The following ATF7 variants were observed in gnomAD, a reference collection of about 807,000 sequenced individuals.
ATF7 encodes activating transcription factor 7, also known as cyclic AMP-dependent transcription factor ATF-7.
Under a neutral mutation model 50.4 loss-of-function variants are expected in ATF7, and 10 were observed. The observed-to-expected ratio is 0.20, with a 90% CI of 0.12 to 0.34. The LOEUF is 0.34. ATF7 is among the 10% of genes least tolerant of loss of function. The probability of loss-of-function intolerance (pLI) is 1.00; values close to 1 mark genes in which losing one functional copy is unlikely to be tolerated. For synonymous variants in ATF7, 201 were observed against 226.4 expected (o/e 0.89, Z 1.01); for missense variants, 465 against 613.9 (o/e 0.76, Z 2.56).
At chr12:53,531,422 C>CA (rs541415026) in intron 9 of ATF7, among the ~76,000 whole-genome samples, 1,389 of 61,504 alleles carry the variant, frequency 0.023, 24 homozygotes, top group African/African-American at 0.064. Context: ...AACTCCATCT[C>CA]AAAAAAAAAA....
At chr12:53,517,859 TTTTA>T (rs1385512201) in intron 11 of ATF7, among the ~76,000 whole-genome samples, 2 of 152,198 alleles carry the variant, frequency 1.3e-5, no homozygotes, top group African/African-American at 2.4e-5. Context: ...TATTCCATTA[TTTTA>T]TTTATTTATT....
chr12:53,572,062 A>G (rs1444072972), intron 2 of ATF7, among the ~76,000 whole-genome samples: 1 of 151,800 alleles, frequency 6.6e-6, no homozygotes, highest in Admixed American at 6.6e-5. Flanking sequence ...GCCAGACTCC[A>G]TCTCAAAAAA....
Position 53,593,597 on chromosome 12 carries a change from G to T in ATF7, c.48+7356C>A, listed in dbSNP as rs1459944203. Among the ~76,000 whole-genome samples the T allele has an allele frequency of 1.3e-5, 2 of 152,186 alleles. 1 individual carries two copies. Among genetic ancestry groups the T allele is most frequent in the Non-Finnish European group, 2.9e-5 (2 of 68,022 alleles). On this transcript the variant is annotated intron_variant, in intron 2 of 11. Transcript: ENST00000420353. ...TCCTTTCTAAATGGCCAGGAGGGAA[G>T]AGCTCCACAGCCACTGTATGTGGTT...
intron 2 of ATF7, among the ~76,000 whole-genome samples, chr12:53,584,455 G>A (rs1425443120): frequency 6.6e-6 from 1 of 152,140 alleles, no homozygotes; most frequent in Non-Finnish European, 1.5e-5. Flanking sequence ...AAGACAGTTT[G>A]ACAGTTTCTT....
At chr12:53,560,034 T>C (rs1298678794) in intron 2 of ATF7, among the ~76,000 whole-genome samples, 1 of 152,220 alleles carries the variant, frequency 6.6e-6, no homozygotes, top group African/African-American at 2.4e-5. Context: ...GTGATTCTTC[T>C]GCCTCAGCCT....
At chr12:53,614,462 CT>C (rs1293645496) in intron 1 of ATF7, among the ~76,000 whole-genome samples, 1 of 152,144 alleles carries the variant, frequency 6.6e-6, no homozygotes, top group Non-Finnish European at 1.5e-5. Flanking sequence ...AAACACTGAT[CT>C]TTTAAAATTA....
At chr12:53,592,695 G>T (rs1005754711) in intron 2 of ATF7, among the ~76,000 whole-genome samples, 1 of 151,966 alleles carries the variant, frequency 6.6e-6, no homozygotes, top group Non-Finnish European at 1.5e-5. Context: ...CAAATTTGGG[G>T]GTGATGAGTT....
At chr12:53,619,071 GA>G (rs1217448694) in intron 1 of ATF7, among the ~76,000 whole-genome samples, 1 of 150,532 alleles carries the variant, frequency 6.6e-6, no homozygotes, top group Admixed American at 6.6e-5. Context: ...AAAAAAAGAA[GA>G]AAATGAAAAG....
Position 53,531,864 on chromosome 12 carries a change from G to A in ATF7, c.807C>T (p.Ser269=). 1.9e-6 allele frequency: 3 copies of A among 1,613,716 alleles called. No homozygotes were observed. The highest frequency in any genetic ancestry group is 2.5e-6 in the Non-Finnish European group (3 of 1,179,840). The change falls in exon 9 of 12, where the codon TCC becomes TCT. Residue 269 remains serine, a synonymous_variant. Coordinates refer to ENST00000420353, the MANE Select transcript of ATF7 (RefSeq NM_006856.3). ...CCATTCCACAACCACCATTGATTGA[G>A]GAGACTTGGTGAGTTAGGGTGGCTT... ...RLKATLTHQV[S]SINGGCGMVV... is the part of the protein sequence containing the mutation.
At position 53,523,292 on chromosome 12, in the gene ATF7, C is replaced by A; in HGVS notation, c.1218G>T (p.Lys406Asn). 6.2e-7 allele frequency: 1 copy of A among 1,613,092 alleles called. No homozygotes were observed. The highest frequency in any genetic ancestry group is 1.1e-5 in the South Asian group (1 of 91,054). Residue 406 changes from lysine to asparagine, a missense_variant, in exon 11 of 12, where the codon AAG (lysine) becomes AAT (asparagine). Lys to Asn is a moderately conservative substitution (Grantham distance 94). Transcript: ENST00000420353. ...GCCACTCACCTAAATAGCCTTGAGT[C>A]TTTTTCTGTAGTGCAGTGACTGGGC... ...KDCPVTALQK[K>N]TQGYLESPKE...
At chr12:53,582,826 C>T (rs1312016703) in intron 2 of ATF7, among the ~76,000 whole-genome samples, 19 of 152,080 alleles carry the variant, frequency 1.2e-4, no homozygotes, top group Admixed American at 9.2e-4. Flanking sequence ...CCTCGTGATC[C>T]GCCCACCTCG....
At chr12:53,591,980 T>C (rs998382948) in intron 2 of ATF7, among the ~76,000 whole-genome samples, 1 of 151,858 alleles carries the variant, frequency 6.6e-6, no homozygotes, top group Non-Finnish European at 1.5e-5. Context: ...CAAATTCCAC[T>C]GGGATTTAAA....
chr12:53,557,840 A>G (rs1940852498), intron 2 of ATF7, among the ~76,000 whole-genome samples: 1 of 152,216 alleles, frequency 6.6e-6, no homozygotes, highest in Non-Finnish European at 1.5e-5. Flanking sequence ...CACACACTGG[A>G]TTTCAAAGAC....
At chr12:53,568,917 C>A (rs944258907) in intron 2 of ATF7, among the ~76,000 whole-genome samples, 1 of 152,088 alleles carries the variant, frequency 6.6e-6, no homozygotes, top group African/African-American at 2.4e-5. Flanking sequence ...ATCCCAGCTA[C>A]TTGGGAGGCT....
At chr12:53,594,637 C>T (rs1404453737) in intron 2 of ATF7, among the ~76,000 whole-genome samples, 1 of 152,164 alleles carries the variant, frequency 6.6e-6, no homozygotes, top group African/African-American at 2.4e-5. Context: ...CCTGTAATCT[C>T]AGCACTTTGG....
At chr12:53,530,755 A>C (rs1689435301) in intron 9 of ATF7, among the ~76,000 whole-genome samples, 1 of 151,750 alleles carries the variant, frequency 6.6e-6, no homozygotes, top group African/African-American at 2.4e-5. Flanking sequence ...TTACAGGCGC[A>C]CATCACCATG....
intron 2 of ATF7, among the ~76,000 whole-genome samples, chr12:53,587,843 A>ATATATATATATATATAT: frequency 1.3e-3 from 79 of 61,526 alleles, no homozygotes; most frequent in Middle Eastern, 0.011. Flanking sequence ...ATATATATAT[A>ATATATATATATATATAT]TTTTTTTTTT....
intron 1 of ATF7, among the ~76,000 whole-genome samples, chr12:53,614,206 A>G (rs1944016721): frequency 2.0e-5 from 3 of 152,162 alleles, no homozygotes; most frequent in African/African-American, 7.2e-5. Context: ...CTATCCCCAG[A>G]AAGGTTAATA....
At chr12:53,586,450 A>T (rs1592934577) in intron 2 of ATF7, among the ~76,000 whole-genome samples, 1 of 152,180 alleles carries the variant, frequency 6.6e-6, no homozygotes, top group African/African-American at 2.4e-5. Flanking sequence ...ACAGATGTCT[A>T]TAATACTATT....
Sources: allele counts gnomAD v4.1 joint callset (sites outside exome capture counted in the v4.1 genomes callset), GRCh38; gene constraint gnomAD v4.1.1; transcripts MANE v1.5; gene names NCBI Gene and HGNC (gene_info 2026-07-23, HGNC 2026-07-21).